Variants in SLC13A1 observed in about 807,000 individuals in gnomAD.
SLC13A1 encodes Na(+)/sulfate cotransporter.
Under a neutral mutation model 70.0 loss-of-function variants are expected in SLC13A1, and 65 were observed. The ratio of observed to expected loss-of-function variants is 0.93; its 90% CI spans 0.76 to 1.14. The LOEUF is 1.14. SLC13A1 is among the 50% of genes most tolerant of loss of function. The pLI is 0.00. For missense variants in SLC13A1, 726 were observed against 717.8 expected, an observed-to-expected ratio of 1.01 and a Z score of -0.13; for synonymous variants, 275 against 250.5, an observed-to-expected ratio of 1.10 and a Z score of -0.92.
At chr7:123,133,916 C>T (rs1793857099) in intron 8 of SLC13A1, among the ~76,000 whole-genome samples, 1 of 152,106 alleles carries the variant, frequency 6.6e-6, no homozygotes, top group Non-Finnish European at 1.5e-5. Context: ...CAGCTCACTG[C>T]CACCTCCACC....
At position 123,126,671 on chromosome 7, in the gene SLC13A1, T is replaced by C. The variant is rs1793572241; in HGVS notation, c.1134-996A>G. Reference sequence around the variant, plus strand: ...CTCAATCTAGCAATTTTTAAAGCAGTCTACTTTCTTTAAGTATAGACACAT... The same window carrying C: ...CTCAATCTAGCAATTTTTAAAGCAGCCTACTTTCTTTAAGTATAGACACAT... On this transcript the variant is annotated intron_variant, in intron 10 of 14. Transcript: ENST00000194130. Among the ~76,000 whole-genome samples the C allele has an allele frequency of 1.3e-5, 2 of 152,128 alleles. 1 individual carries two copies. The highest frequency in any genetic ancestry group is 1.3e-4 in the Admixed American group (2 of 15,260).
intron 1 of SLC13A1, among the ~76,000 whole-genome samples, chr7:123,181,484 G>A (rs1165915018): frequency 6.6e-6 from 1 of 152,078 alleles, no homozygotes; most frequent in Non-Finnish European, 1.5e-5. Context: ...CCTTTCCCCT[G>A]GGGGCAGGAT....
chr7:123,159,144 C>T (rs1046472760), intron 6 of SLC13A1, among the ~76,000 whole-genome samples: 2 of 151,844 alleles, frequency 1.3e-5, no homozygotes, highest in Non-Finnish European at 2.9e-5. Flanking sequence ...TTAAAATATC[C>T]TAGGCTCTTT....
chr7:123,134,633 C>A, intron 7 of SLC13A1, 104 bp from the exon 8 acceptor site: 4 of 1,129,748 alleles, frequency 3.5e-6, no homozygotes, highest in Non-Finnish European at 5.1e-6. Flanking sequence ...TGTTTCTGTC[C>A]AAGAAGGAAG....
At chr7:123,145,905 T>C (rs1794333074) in intron 7 of SLC13A1, among the ~76,000 whole-genome samples, 1 of 152,172 alleles carries the variant, frequency 6.6e-6, no homozygotes, top group Non-Finnish European at 1.5e-5. Flanking sequence ...AGAAAATTCA[T>C]AGAGTCTATG....
At chr7:123,131,302 G>A (rs1299435678) in intron 8 of SLC13A1, among the ~76,000 whole-genome samples, 1 of 151,890 alleles carries the variant, frequency 6.6e-6, no homozygotes, top group Admixed American at 6.6e-5. Context: ...TAATTAATGT[G>A]CCACCTAGAG....
chr7:123,191,909 A>G (rs1298222340), intron 1 of SLC13A1, among the ~76,000 whole-genome samples: 3 of 152,212 alleles, frequency 2.0e-5, no homozygotes, highest in African/African-American at 7.2e-5. Context: ...TACGGTCAGT[A>G]ACATATTTGA....
intron 1 of SLC13A1, among the ~76,000 whole-genome samples, chr7:123,189,072 G>C (rs1281707401): frequency 1.7e-5 from 2 of 119,944 alleles, no homozygotes; most frequent in Non-Finnish European, 1.6e-5. Context: ...CCGAGATCCC[G>C]CCACTGCACT....
In SLC13A1 at chr7:123,170,754, G is replaced by A. The variant is rs185744138; in HGVS notation, c.365+1014C>T. The stretch of plus-strand genomic sequence containing the variant: ...AGCAATTCTCCTGCCTCAGCTTCCC[G>A]AGTAGCTGGGATTACAGGTGCCTGT... On this transcript the variant is annotated intron_variant, in intron 3 of 14. Coordinates refer to ENST00000194130, the MANE Select transcript of SLC13A1 (RefSeq NM_022444.4). Among the ~76,000 whole-genome samples the A allele has an allele frequency of 3.0e-3, 462 of 151,992 alleles. 1 individual carries two copies. The highest frequency in any genetic ancestry group is 4.8e-3 in the Non-Finnish European group (325 of 67,958).
Position 123,194,440 on chromosome 7 carries a change from A to T in SLC13A1, c.99+5408T>A, listed in dbSNP as rs571471294. Among the ~76,000 whole-genome samples, 22 of 152,164 alleles carry T rather than the reference A, an allele frequency of 1.4e-4. 1 individual carries two copies. Among genetic ancestry groups the T allele is most frequent in the Non-Finnish European group, 7.4e-5 (5 of 68,024 alleles). On this transcript the variant is annotated intron_variant, in intron 1 of 14. Coordinates refer to ENST00000194130, the MANE Select transcript of SLC13A1 (RefSeq NM_022444.4). ...AGGCTTTTAGGACAAATAAATGAAA[A>T]GTCAGAAATATCCATCAGCAAAACC...
intron 8 of SLC13A1, among the ~76,000 whole-genome samples, chr7:123,133,949 C>T (rs900841182): frequency 1.3e-5 from 2 of 152,108 alleles, no homozygotes; most frequent in Non-Finnish European, 2.9e-5. Flanking sequence ...GCAATCCTTC[C>T]ACCTCAGCCT....
At chr7:123,138,167 A>C (rs528283667) in intron 7 of SLC13A1, among the ~76,000 whole-genome samples, 52 of 152,258 alleles carry the variant, frequency 3.4e-4, no homozygotes, top group African/African-American at 1.2e-3. Context: ...GAGAACATGT[A>C]ATGTCTTTCT....
At position 123,114,347 on chromosome 7, in the gene SLC13A1, T is replaced by G. The variant is rs1204764511; in HGVS notation, c.*1171A>C. On this transcript the variant is annotated 3_prime_UTR_variant, in exon 15 of 15. Coordinates refer to ENST00000194130, the MANE Select transcript of SLC13A1 (RefSeq NM_022444.4). ...TTGCTACCTGTCTACAATGTGTAAT[T>G]GTCACATCAGGGTAATTGGAAACTC... 5 of 152,106 alleles carry G rather than the reference T, an allele frequency of 3.3e-5. No homozygotes were observed. 9.4% of individuals were successfully genotyped at this position (152,106 alleles called of 1,614,324 possible). A position where few individuals can be genotyped will look rare whatever the true frequency, so the allele number is the denominator to read the frequency against.
chr7:123,116,110 T>A (rs1222303772), intron 14 of SLC13A1, among the ~76,000 whole-genome samples: 1 of 152,226 alleles, frequency 6.6e-6, no homozygotes, highest in East Asian at 1.9e-4. Context: ...ATATGGCAAC[T>A]GTATCTTTTA....
chr7:123,154,814 G>T (rs183180428), intron 6 of SLC13A1, among the ~76,000 whole-genome samples: 1 of 151,928 alleles, frequency 6.6e-6, no homozygotes, highest in South Asian at 2.1e-4. Flanking sequence ...CTCTTTCAGG[G>T]CCTCCTTTCC....
At position 123,128,854 on chromosome 7, in the gene SLC13A1, A is replaced by G. The variant is rs1373519953; in HGVS notation, c.1124T>C (p.Leu375Pro). Reference protein sequence around the residue: ...DPGFVPGWSALFSEYPGFATD... With the variant: ...DPGFVPGWSAPFSEYPGFATD... ...AACGTGCAAAGCTTACTCTGAAAAAAGTGCAGACCAACCAGGAACAAATCC... is the reference window on the plus strand; with the variant it reads ...AACGTGCAAAGCTTACTCTGAAAAAGGTGCAGACCAACCAGGAACAAATCC... The change falls in exon 10 of 15, where the codon CTT (leucine) becomes CCT (proline). Residue 375 changes from leucine to proline, a missense_variant. Coordinates refer to ENST00000194130, the MANE Select transcript of SLC13A1 (RefSeq NM_022444.4). The G allele has an allele frequency of 6.2e-7, 1 of 1,611,974 alleles. No homozygotes were observed. Among genetic ancestry groups the G allele is most frequent in the East Asian group, 2.2e-5 (1 of 44,766 alleles).
chr7:123,138,215 T>C (rs1159680231), intron 7 of SLC13A1, among the ~76,000 whole-genome samples: 1 of 152,222 alleles, frequency 6.6e-6, no homozygotes, highest in Non-Finnish European at 1.5e-5. Context: ...TGACTTCCAC[T>C]TCCATTTATG....
chr7:123,194,237 G>A (rs555953985), intron 1 of SLC13A1, among the ~76,000 whole-genome samples: 1 of 152,232 alleles, frequency 6.6e-6, no homozygotes, highest in East Asian at 1.9e-4. Context: ...CACAGCCTGA[G>A]CCTTCCTTCC....
intron 6 of SLC13A1, among the ~76,000 whole-genome samples, chr7:123,152,411 T>A (rs923160092): frequency 2.0e-5 from 3 of 152,144 alleles, no homozygotes; most frequent in African/African-American, 7.2e-5. Context: ...TTTTTTCTAA[T>A]TTTTTAAGGA....
Sources: gnomAD v4.1 joint callset for allele counts (sites outside exome capture counted in the v4.1 genomes callset) on GRCh38, gnomAD v4.1.1 for gene constraint, MANE v1.5 for transcripts, NCBI Gene and HGNC (gene_info 2026-07-23, HGNC 2026-07-21) for gene names.